Variants in PTPRT observed in about 807,000 individuals in gnomAD.
The protein encoded by PTPRT is receptor-type tyrosine-protein phosphatase T.
PTPRT carries 56 observed loss-of-function variants against 176.8 expected under a neutral mutation model. The observed-to-expected ratio is 0.32, with a 90% CI of 0.26 to 0.40. The LOEUF (loss-of-function observed/expected upper bound fraction) is 0.40, where lower values mean the gene tolerates loss of function less well. PTPRT is among the 10% of genes least tolerant of loss of function. The pLI is 1.00. For synonymous variants in PTPRT, 783 were observed against 739.0 expected (o/e 1.06, Z -0.96); for missense variants, 1,540 against 1,908.2 (o/e 0.81, Z 3.60).
At chr20:43,150,896 T>TG (rs1318676945) in intron 1 of PTPRT, among the ~76,000 whole-genome samples, 1 of 152,204 alleles carries the variant, frequency 6.6e-6, no homozygotes, top group Non-Finnish European at 1.5e-5. Context: ...GCCTTCATGC[T>TG]GAACCTCACA....
At chr20:42,165,900 A>G (rs1199511652) in intron 16 of PTPRT, among the ~76,000 whole-genome samples, 1 of 152,242 alleles carries the variant, frequency 6.6e-6, no homozygotes, top group East Asian at 1.9e-4. Flanking sequence ...TTGTGGCAAC[A>G]TTAAATAAGG....
chr20:42,300,381 C>T (rs1186286145), intron 12 of PTPRT, among the ~76,000 whole-genome samples: 1 of 151,872 alleles, frequency 6.6e-6, no homozygotes, highest in Non-Finnish European at 1.5e-5. Context: ...GTTCCCAGGT[C>T]TGAGTTTCTA....
intron 7 of PTPRT, among the ~76,000 whole-genome samples, chr20:42,572,317 T>G (rs1335545593): frequency 6.6e-6 from 1 of 152,172 alleles, no homozygotes; most frequent in Non-Finnish European, 1.5e-5. Context: ...TAGCACATCC[T>G]TCATTGTTTT....
At chr20:42,995,385 G>GCTGGGGGAA (rs1305416569) in intron 1 of PTPRT, among the ~76,000 whole-genome samples, 2 of 152,162 alleles carry the variant, frequency 1.3e-5, no homozygotes, top group Non-Finnish European at 2.9e-5. Context: ...GAGCATCAGA[G>GCTGGGGGAA]CTGGGGGAAC....
At chr20:42,525,243 C>T (rs2072247688) in intron 7 of PTPRT, among the ~76,000 whole-genome samples, 1 of 152,184 alleles carries the variant, frequency 6.6e-6, no homozygotes, top group Non-Finnish European at 1.5e-5. Flanking sequence ...GCCTCAGCCT[C>T]CCGAAGTGCT....
chr20:43,031,604 A>G (rs1392500733), intron 1 of PTPRT, among the ~76,000 whole-genome samples: 3 of 152,218 alleles, frequency 2.0e-5, no homozygotes, highest in Non-Finnish European at 4.4e-5. Flanking sequence ...ATGGAGGTTC[A>G]GTGAGGTTAC....
At chr20:42,662,517 G>C (rs2075241594) in intron 7 of PTPRT, among the ~76,000 whole-genome samples, 1 of 152,142 alleles carries the variant, frequency 6.6e-6, no homozygotes, top group South Asian at 2.1e-4. Context: ...GGCAAAGTCA[G>C]TGGGGTAAGC....
chr20:42,538,238 C>T (rs1340775199), intron 7 of PTPRT, among the ~76,000 whole-genome samples: 1 of 152,154 alleles, frequency 6.6e-6, no homozygotes, highest in Non-Finnish European at 1.5e-5. Context: ...CCCTACTCTA[C>T]ACTGCCTTCC....
rs974405265 is a variant in PTPRT at position 43,188,263 on chromosome 20, C to T, written c.88+1383G>A. Among the ~76,000 whole-genome samples the T allele has an allele frequency of 3.3e-5, 5 of 152,254 alleles. 1 individual carries two copies. Among genetic ancestry groups the T allele is most frequent in the East Asian group, 1.9e-4 (1 of 5,178 alleles). Reference sequence around the variant, plus strand: ...CTTTAGAATGGTGCTGTAGCTGTCCCTCTTCTCTCACTTGCTAATCCAACC... The same window carrying T: ...CTTTAGAATGGTGCTGTAGCTGTCCTTCTTCTCTCACTTGCTAATCCAACC... On this transcript the variant is annotated intron_variant, in intron 1 of 30. Transcript: ENST00000373187.
In PTPRT at chr20:42,791,258, G is replaced by T; in HGVS notation, c.423C>A (p.Val141=). Residue 141 remains valine, a synonymous_variant, in exon 3 of 31, where the codon GTC becomes GTA. Transcript: ENST00000373187. ...CTGCCTTCACCCAGCCCTCAGTGAC[G>T]ACCCCGGACACATTCCACACAGGGT... ...QGNPVWNVSG[V]VTEGWVKAEL... 2 of 1,612,444 alleles carry T rather than the reference G, an allele frequency of 1.2e-6. No homozygotes were observed. The highest frequency in any genetic ancestry group is 1.7e-6 in the Non-Finnish European group (2 of 1,178,638).
chr20:42,885,548 GT>G (rs1347204504), intron 2 of PTPRT, among the ~76,000 whole-genome samples: 3 of 151,996 alleles, frequency 2.0e-5, no homozygotes, highest in Non-Finnish European at 4.4e-5. Flanking sequence ...GCAAAACCCA[GT>G]GATACCTACT....
intron 6 of PTPRT, among the ~76,000 whole-genome samples, chr20:42,735,939 T>C (rs2076533316): frequency 6.6e-6 from 1 of 152,156 alleles, no homozygotes; most frequent in Non-Finnish European, 1.5e-5. Context: ...TCTAAGTCTC[T>C]GATTCCTCAC....
intron 2 of PTPRT, among the ~76,000 whole-genome samples, chr20:42,876,620 A>G (rs1027188607): frequency 6.6e-6 from 1 of 152,224 alleles, no homozygotes; most frequent in Non-Finnish European, 1.5e-5. Context: ...TGAAAGCTAC[A>G]GATGCCCCAG....
At chr20:42,034,301 A>G in the PTPRT span, among the ~76,000 whole-genome samples, 6 of 152,274 alleles carry the variant, frequency 3.9e-5, no homozygotes, top group African/African-American at 1.4e-4. Flanking sequence ...GATGTTGAGG[A>G]GATGCCATCC....
At chr20:42,144,209 G>A (rs1270513964) in intron 17 of PTPRT, among the ~76,000 whole-genome samples, 1 of 152,168 alleles carries the variant, frequency 6.6e-6, no homozygotes, top group Non-Finnish European at 1.5e-5. Flanking sequence ...ACTGAGGGGG[G>A]AGAGATGTGA....
chr20:42,416,412 T>A (rs982349980), intron 9 of PTPRT, among the ~76,000 whole-genome samples: 17 of 152,008 alleles, frequency 1.1e-4, no homozygotes, highest in Non-Finnish European at 2.4e-4. Context: ...AGCCATAGGG[T>A]TTGTGATAAT....
At chr20:42,235,744 G>A (rs780453443) in intron 15 of PTPRT, among the ~76,000 whole-genome samples, 6 of 152,096 alleles carry the variant, frequency 3.9e-5, no homozygotes, top group Non-Finnish European at 5.9e-5. Flanking sequence ...CTGTGAGGCC[G>A]GTTCTAGATA....
the PTPRT span, among the ~76,000 whole-genome samples, chr20:42,066,011 A>G: frequency 6.7e-6 from 1 of 149,460 alleles, no homozygotes; most frequent in African/African-American, 2.5e-5. Flanking sequence ...TTCTTGGCAT[A>G]TAGGCTACTT....
At chr20:42,918,312 G>A (rs1241634098) in intron 1 of PTPRT, among the ~76,000 whole-genome samples, 1 of 152,070 alleles carries the variant, frequency 6.6e-6, no homozygotes, top group African/African-American at 2.4e-5. Context: ...AACAGCTTAC[G>A]GCAAAGAACC....
Sources: allele counts gnomAD v4.1 joint callset (sites outside exome capture counted in the v4.1 genomes callset), GRCh38; gene constraint gnomAD v4.1.1; transcripts MANE v1.5; gene names NCBI Gene and HGNC (gene_info 2026-07-23, HGNC 2026-07-21).